Variants in NALF1 observed in about 807,000 individuals in gnomAD.
The protein encoded by NALF1 is family with sequence similarity 155 member A.
NALF1 carries 3 observed loss-of-function variants against 48.4 expected under a neutral mutation model. The ratio of observed to expected loss-of-function variants is 0.06; its 90% CI spans 0.03 to 0.16. The LOEUF is 0.16. Ranked by LOEUF, NALF1 falls within the 10% of genes least tolerant of loss-of-function variation. The pLI is 1.00. For missense variants in NALF1, 526 were observed against 571.5 expected, an observed-to-expected ratio of 0.92 and a Z score of 0.81; for synonymous variants, 262 against 245.7, an observed-to-expected ratio of 1.07 and a Z score of -0.62.
intron 1 of NALF1, among the ~76,000 whole-genome samples, chr13:107,801,561 A>G (rs1480336467): frequency 6.6e-6 from 1 of 152,180 alleles, no homozygotes. Flanking sequence ...GCAGCTGTCA[A>G]TGGAAAATAT....
intron 2 of NALF1, among the ~76,000 whole-genome samples, chr13:107,199,253 A>G (rs1879458352): frequency 6.6e-6 from 1 of 152,228 alleles, no homozygotes; most frequent in South Asian, 2.1e-4. Context: ...ATGTGAAGAC[A>G]CAGCGAGAAG....
chr13:107,238,397 G>GA (rs1304915785), intron 1 of NALF1, among the ~76,000 whole-genome samples: 1 of 152,180 alleles, frequency 6.6e-6, no homozygotes, highest in Non-Finnish European at 1.5e-5. Flanking sequence ...AAGATGGGTG[G>GA]ATGGAGTATT....
At chr13:107,468,747 T>A (rs753108825) in intron 1 of NALF1, among the ~76,000 whole-genome samples, 3 of 152,186 alleles carry the variant, frequency 2.0e-5, no homozygotes, top group African/African-American at 7.2e-5. Flanking sequence ...CAAATAGTTA[T>A]AATAATGGGT....
chr13:107,743,999 T>A (rs1034106230), intron 1 of NALF1, among the ~76,000 whole-genome samples: 2 of 152,214 alleles, frequency 1.3e-5, no homozygotes, highest in South Asian at 2.1e-4. Context: ...ACTAGCCCAG[T>A]AGTCCAGGTA....
intron 1 of NALF1, among the ~76,000 whole-genome samples, chr13:107,682,128 T>C (rs1428230195): frequency 6.6e-6 from 1 of 152,212 alleles, no homozygotes; most frequent in African/African-American, 2.4e-5. Context: ...CAGACCCTGC[T>C]TTCTCCTAGG....
At chr13:107,864,382 C>T (rs1880653872) in intron 1 of NALF1, among the ~76,000 whole-genome samples, 1 of 152,160 alleles carries the variant, frequency 6.6e-6, no homozygotes. Context: ...TATGGCCTTT[C>T]GACTGTGTTC....
At chr13:107,566,934 T>A (rs1877827940) in intron 1 of NALF1, among the ~76,000 whole-genome samples, 1 of 152,208 alleles carries the variant, frequency 6.6e-6, no homozygotes, top group Non-Finnish European at 1.5e-5. Context: ...TTCAAAAGAC[T>A]GCTGTATTTT....
At chr13:107,786,299 C>G (rs1263727583) in intron 1 of NALF1, among the ~76,000 whole-genome samples, 1 of 151,056 alleles carries the variant, frequency 6.6e-6, no homozygotes, top group Non-Finnish European at 1.5e-5. Flanking sequence ...GCCTGTAATC[C>G]CAGCTACTTA....
intron 1 of NALF1, among the ~76,000 whole-genome samples, chr13:107,252,869 C>A (rs1535983): frequency 0.8 from 122,197 of 151,814 alleles, 49,585 homozygotes; most frequent in Non-Finnish European, 0.85. Context: ...CAGTGAACAT[C>A]AGGGAAGGTA....
In NALF1 at chr13:107,673,265, T is replaced by A. The variant is rs549901841; in HGVS notation, c.915+192417A>T. 2.0e-5 allele frequency among the ~76,000 whole-genome samples: 3 copies of A among 152,272 alleles called. No individual in the cohort carries two copies. In the South Asian group the frequency reaches 6.2e-4, roughly 32 times the overall value. Reference sequence around the variant, plus strand: ...AATGAGATTTAGTTCTCAGGGGAAATGCTTTAATGAAATTAGTAGAGGAAA... The same window carrying A: ...AATGAGATTTAGTTCTCAGGGGAAAAGCTTTAATGAAATTAGTAGAGGAAA... On this transcript the variant is annotated intron_variant, in intron 1 of 2. Transcript: ENST00000375915.
intron 1 of NALF1, among the ~76,000 whole-genome samples, chr13:107,418,449 G>A (rs1236518327): frequency 2.6e-5 from 4 of 152,186 alleles, no homozygotes; most frequent in African/African-American, 9.6e-5. Context: ...CTGGATTCCT[G>A]ACACACAGAA....
intron 1 of NALF1, among the ~76,000 whole-genome samples, chr13:107,515,568 C>G (rs761474610): frequency 6.6e-6 from 1 of 152,238 alleles, no homozygotes; most frequent in Non-Finnish European, 1.5e-5. Context: ...CAACTCCATA[C>G]AGCTGCAAAG....
intron 1 of NALF1, among the ~76,000 whole-genome samples, chr13:107,838,779 A>G (rs1176957704): frequency 6.6e-6 from 1 of 152,146 alleles, no homozygotes; most frequent in Non-Finnish European, 1.5e-5. Context: ...TTACTCCCTG[A>G]GCAGGTGGGA....
At chr13:107,635,243 G>A (rs915862707) in intron 1 of NALF1, among the ~76,000 whole-genome samples, 2 of 152,082 alleles carry the variant, frequency 1.3e-5, no homozygotes, top group East Asian at 3.9e-4. Context: ...ATAAAGGAAA[G>A]GGGTTTAATT....
In NALF1 at chr13:107,795,556, ACT is replaced by A. The variant is rs561405415; in HGVS notation, c.915+70124_915+70125del. On this transcript the variant is annotated intron_variant, in intron 1 of 2. Coordinates refer to ENST00000375915, the MANE Select transcript of NALF1 (RefSeq NM_001080396.3). The stretch of plus-strand genomic sequence containing the variant: ...CCTTTACGCTTTTCTGTAAAAAGCT[ACT>A]CTCTTCAAATCAGCTCAAAATTCAG... Among the ~76,000 whole-genome samples, 9 of 152,134 alleles carry A rather than the reference ACT, an allele frequency of 5.9e-5. No individual in the cohort carries two copies. The East Asian group carries it at 1.7e-3, about 29-fold the overall frequency.
Position 107,298,690 on chromosome 13 carries a change from A to G in NALF1, c.916-87935T>C, listed in dbSNP as rs184393793. 4.4e-3 allele frequency among the ~76,000 whole-genome samples: 665 copies of G among 152,190 alleles called. 9 individuals are homozygous for G. The highest frequency in any genetic ancestry group is 0.015 in the African/African-American group (639 of 41,534). The stretch of plus-strand genomic sequence containing the variant: ...CAGGATCCACCCGCCTCAGCCTCCT[A>G]AAGTGTTGGGATTACAGGCGTGAGC... On this transcript the variant is annotated intron_variant, in intron 1 of 2. Coordinates refer to ENST00000375915, the MANE Select transcript of NALF1 (RefSeq NM_001080396.3).
At chr13:107,836,912 A>G (rs1266421607) in intron 1 of NALF1, among the ~76,000 whole-genome samples, 2 of 152,190 alleles carry the variant, frequency 1.3e-5, no homozygotes, top group Admixed American at 1.3e-4. Context: ...GGCAGATAGG[A>G]TGACACTAAC....
intron 1 of NALF1, among the ~76,000 whole-genome samples, chr13:107,751,735 T>C (rs1049566183): frequency 1.3e-5 from 2 of 152,108 alleles, no homozygotes; most frequent in African/African-American, 4.8e-5. Flanking sequence ...ACACAGAAAT[T>C]TATACAGTTT....
intron 1 of NALF1, among the ~76,000 whole-genome samples, chr13:107,244,234 T>C (rs930688680): frequency 1.3e-5 from 2 of 152,222 alleles, no homozygotes. Context: ...AAATAGGAAT[T>C]GCCATAGCGA....
Sources: allele counts gnomAD v4.1 joint callset (sites outside exome capture counted in the v4.1 genomes callset), GRCh38; gene constraint gnomAD v4.1.1; transcripts MANE v1.5; gene names NCBI Gene and HGNC (gene_info 2026-07-23, HGNC 2026-07-21).